CDC42BPA: variants seen among roughly 807,000 people sequenced by gnomAD.
The protein encoded by CDC42BPA is serine/threonine-protein kinase MRCK alpha.
In CDC42BPA, 80 loss-of-function variants were observed where a neutral mutation model predicts 223.5. That is an observed-to-expected ratio of 0.36 (90% confidence interval 0.30 to 0.43). The LOEUF is 0.43. CDC42BPA is among the 20% of genes least tolerant of loss of function. The pLI, the probability that CDC42BPA is intolerant of heterozygous loss-of-function variation, is 1.00. For missense variants in CDC42BPA, 1,743 were observed against 2,099.9 expected (o/e 0.83, Z 3.32); for synonymous variants, 694 against 718.6 (o/e 0.97, Z 0.55).
At chr1:227,148,385 A>G (rs1661068897) in intron 6 of CDC42BPA, among the ~76,000 whole-genome samples, 1 of 152,218 alleles carries the variant, frequency 6.6e-6, no homozygotes, top group South Asian at 2.1e-4. Flanking sequence ...TTAGCCCTTT[A>G]CATGTTTTAG....
intron 29 of CDC42BPA, 147 bp downstream of exon 29, chr1:227,030,261 A>C: frequency 1.7e-6 from 1 of 592,378 alleles, no homozygotes. Context: ...ATAATCTTTT[A>C]ATTTATAAAC....
At chr1:227,147,935 G>A (rs1660986753) in intron 6 of CDC42BPA, among the ~76,000 whole-genome samples, 1 of 151,210 alleles carries the variant, frequency 6.6e-6, no homozygotes, top group Admixed American at 6.6e-5. Flanking sequence ...TGTACAATGA[G>A]ATGGGGGGAA....
Position 226,994,035 on chromosome 1 carries a change from A to C in CDC42BPA, c.*233T>G. On this transcript the variant is annotated 3_prime_UTR_variant, in exon 37 of 37. Coordinates refer to ENST00000366766, the MANE Select transcript of CDC42BPA (RefSeq NM_001394014.1). The surrounding 1 kb of genome is among the most constrained non-coding windows in gnomAD (Gnocchi z 4.0). ...CTGAAAGCAACTCTAAGTGCATGGAATGAAATCAACGTTAATCTAAGCTGC... is the reference window on the plus strand; with the variant it reads ...CTGAAAGCAACTCTAAGTGCATGGACTGAAATCAACGTTAATCTAAGCTGC... 2.1e-6 allele frequency: 1 copy of C among 480,286 alleles called. No homozygotes were observed. Among genetic ancestry groups the C allele is most frequent in the Non-Finnish European group, 3.7e-6 (1 of 267,086 alleles). The allele number at this position is 480,286 out of a possible 1,614,324, so 29.8% of individuals were successfully genotyped here.
chr1:227,074,234 T>C, intron 18 of CDC42BPA, 25 bp downstream of exon 18: 1 of 1,525,574 alleles, frequency 6.6e-7, no homozygotes, highest in Non-Finnish European at 9.1e-7. Flanking sequence ...ATGATAAGCC[T>C]CCATGCAAAA....
intron 5 of CDC42BPA, among the ~76,000 whole-genome samples, chr1:227,180,979 C>T (rs546425915): frequency 6.6e-6 from 1 of 151,872 alleles, no homozygotes; most frequent in African/African-American, 2.4e-5. Context: ...TTTAATCAAC[C>T]TTAATCAGAC....
intron 5 of CDC42BPA, among the ~76,000 whole-genome samples, chr1:227,171,566 G>A (rs771141808): frequency 1.3e-4 from 20 of 152,040 alleles, no homozygotes; most frequent in Non-Finnish European, 2.4e-4. Context: ...GTAGTGAGCC[G>A]TGACGATGCC....
Position 227,225,540 on chromosome 1 carries a change from T to G in CDC42BPA, c.271-12321A>C, listed in dbSNP as rs190881952. Among the ~76,000 whole-genome samples, 193 of 152,322 alleles carry G rather than the reference T, an allele frequency of 1.3e-3. 2 individuals carry two copies. The highest frequency in any genetic ancestry group is 4.3e-3 in the African/African-American group (177 of 41,572). On this transcript the variant is annotated intron_variant, in intron 2 of 36. Transcript: ENST00000366766. ...ACATTAAACACATAAATAAGGAATT[T>G]AATAGTTGTTAAGTATAAATACCAG...
intron 1 of CDC42BPA, among the ~76,000 whole-genome samples, chr1:227,275,210 TA>T (rs1686711966): frequency 7.7e-6 from 1 of 130,280 alleles, no homozygotes; most frequent in Non-Finnish European, 1.6e-5. Context: ...GACATAACTC[TA>T]AACAATTCAC....
rs5781477 is a variant in CDC42BPA at position 227,243,756 on chromosome 1, TCACACACACA to T, written c.270+10298_270+10307del. 6.1e-3 allele frequency among the ~76,000 whole-genome samples: 900 copies of T among 146,648 alleles called. 12 individuals are homozygous for T. The highest frequency in any genetic ancestry group is 0.046 in the East Asian group (227 of 4,910). On this transcript the variant is annotated intron_variant, in intron 2 of 36. Coordinates refer to ENST00000366766, the MANE Select transcript of CDC42BPA (RefSeq NM_001394014.1). ...AATGCCAAGCCACGGAAAAGATTTGTCACACACACACACACACACACACACACACACACAC... is the reference window on the plus strand; with the variant it reads ...AATGCCAAGCCACGGAAAAGATTTGTCACACACACACACACACACACACAC...
chr1:227,014,425 T>C (rs575146143), intron 34 of CDC42BPA, among the ~76,000 whole-genome samples: 17 of 152,188 alleles, frequency 1.1e-4, no homozygotes, highest in African/African-American at 3.9e-4. Flanking sequence ...TTTGATATTA[T>C]TGGTAATGGT....
chr1:227,274,543 G>A (rs1200339797), intron 1 of CDC42BPA, among the ~76,000 whole-genome samples: 1 of 152,004 alleles, frequency 6.6e-6, no homozygotes. Flanking sequence ...AATAAATATA[G>A]AAAAAGCTTT....
intron 3 of CDC42BPA, among the ~76,000 whole-genome samples, chr1:227,206,540 A>G (rs1672760541): frequency 6.6e-6 from 1 of 152,190 alleles, no homozygotes; most frequent in South Asian, 2.1e-4. Flanking sequence ...AATAAAAAAT[A>G]AGGAATTTTG....
Position 227,004,680 on chromosome 1 carries a change from C to T in CDC42BPA, c.4975+314G>A, listed in dbSNP as rs548316163. On this transcript the variant is annotated intron_variant, in intron 35 of 36. Transcript: ENST00000366766. Reference sequence around the variant, plus strand: ...TTATTCTGCCAAGTAGGGATTCATCCCTAACAGCTACCCCTTGTTATTCTC... The same window carrying T: ...TTATTCTGCCAAGTAGGGATTCATCTCTAACAGCTACCCCTTGTTATTCTC... The T allele has an allele frequency of 9.1e-5, 32 of 352,932 alleles. 1 individual carries two copies. The South Asian group carries it at 1.0e-3, about 11-fold the overall frequency. 21.9% of individuals were successfully genotyped at this position (352,932 alleles called of 1,614,324 possible).
chr1:227,058,458 G>T (rs1290004074), intron 21 of CDC42BPA, among the ~76,000 whole-genome samples: 1 of 152,170 alleles, frequency 6.6e-6, no homozygotes, highest in Admixed American at 6.5e-5. Context: ...CAGTCTCCAC[G>T]GAGATGACTG....
At chr1:227,114,239 T>A (rs1687420163) in intron 12 of CDC42BPA, among the ~76,000 whole-genome samples, 1 of 151,634 alleles carries the variant, frequency 6.6e-6, no homozygotes, top group African/African-American at 2.4e-5. Context: ...CATCCTCAAA[T>A]AAGGCGGGGA....
chr1:227,210,271 G>A (rs544036124), intron 3 of CDC42BPA, among the ~76,000 whole-genome samples: 1 of 152,092 alleles, frequency 6.6e-6, no homozygotes, highest in Admixed American at 6.6e-5. Context: ...GGTATTTCGA[G>A]GACTATTTAT....
At chr1:227,260,687 G>A (rs1426386617) in intron 1 of CDC42BPA, among the ~76,000 whole-genome samples, 1 of 151,168 alleles carries the variant, frequency 6.6e-6, no homozygotes, top group South Asian at 2.1e-4. Flanking sequence ...GCTGGAGCAA[G>A]AAATTTTAAC....
intron 1 of CDC42BPA, among the ~76,000 whole-genome samples, chr1:227,261,877 G>C (rs1018215760): frequency 1.3e-5 from 2 of 152,060 alleles, no homozygotes; most frequent in African/African-American, 4.8e-5. Flanking sequence ...CAGCATAAGA[G>C]GAAAACATGA....
chr1:227,300,741 C>T (rs1055524614), intron 1 of CDC42BPA, among the ~76,000 whole-genome samples: 4 of 152,098 alleles, frequency 2.6e-5, no homozygotes, highest in African/African-American at 7.2e-5. Context: ...ACTCAGGTGA[C>T]GAGTGTACTA....
Sources: gnomAD v4.1 joint callset for allele counts (sites outside exome capture counted in the v4.1 genomes callset) on GRCh38, gnomAD v4.1.1 for gene constraint, Gnocchi (gnomAD v3.1) non-coding constraint, MANE v1.5 for transcripts, NCBI Gene and HGNC (gene_info 2026-07-23, HGNC 2026-07-21) for gene names.